B4GALNT3: variants seen among roughly 807,000 people sequenced by gnomAD.
B4GALNT3 encodes the protein beta-1,4-N-acetyl-galactosaminyltransferase 3.
Under a neutral mutation model 120.2 loss-of-function variants are expected in B4GALNT3, and 86 were observed. The observed-to-expected ratio is 0.72, with a 90% CI of 0.60 to 0.86. The LOEUF (loss-of-function observed/expected upper bound fraction) is 0.86. Among genes scored for constraint, B4GALNT3 ranks in the 40% least tolerant of loss-of-function variants. The pLI is 0.00. For synonymous variants in B4GALNT3, 518 were observed against 510.4 expected (o/e 1.01, Z -0.20); for missense variants, 1,167 against 1,298.9 (o/e 0.90, Z 1.56).
chr12:536,557 A>G (rs1363510728), intron 3 of B4GALNT3, among the ~76,000 whole-genome samples: 1 of 152,200 alleles, frequency 6.6e-6, no homozygotes. Flanking sequence ...TATGTCGGCC[A>G]GGCTAGTCTC....
chr12:556,474 G>A, intron 14 of B4GALNT3, 73 bp from the exon 15 acceptor site: 1 of 1,430,212 alleles, frequency 7.0e-7, no homozygotes, highest in Non-Finnish European at 9.7e-7. Context: ...TAGCTTTGCA[G>A]GCTTCTCACA....
intron 14 of B4GALNT3, chr12:555,213 C>T (rs1592058271): frequency 6.1e-6 from 2 of 330,374 alleles, no homozygotes; most frequent in East Asian, 9.3e-5. Flanking sequence ...AAAAAAGAAA[C>T]CGTATGTGTT....
intron 1 of B4GALNT3, among the ~76,000 whole-genome samples, chr12:475,901 T>C (rs1946180106): frequency 6.6e-6 from 1 of 152,208 alleles, no homozygotes; most frequent in Non-Finnish European, 1.5e-5. Context: ...AGGCAGGCAG[T>C]TCCCTTAGAA....
At chr12:517,001 T>C (rs1382528936) in intron 1 of B4GALNT3, among the ~76,000 whole-genome samples, 1 of 151,956 alleles carries the variant, frequency 6.6e-6, no homozygotes, top group African/African-American at 2.4e-5. Context: ...TTGACCTGGG[T>C]GGTTGGAAGG....
At chr12:513,778 G>A (rs528938034) in intron 1 of B4GALNT3, among the ~76,000 whole-genome samples, 3 of 152,258 alleles carry the variant, frequency 2.0e-5, no homozygotes, top group South Asian at 2.1e-4. Context: ...TTGTATAGAC[G>A]CGGTCTCCCT....
intron 1 of B4GALNT3, among the ~76,000 whole-genome samples, chr12:509,385 A>T (rs73032470): frequency 6.6e-6 from 1 of 152,188 alleles, no homozygotes; most frequent in Non-Finnish European, 1.5e-5. Context: ...GGAGATTTCC[A>T]GGGCAGGAGA....
chr12:460,600 C>T lies in B4GALNT3; in HGVS notation c.169+55C>T. The T allele has an allele frequency of 7.7e-7, 1 of 1,304,616 alleles. No individual in the cohort carries two copies. The highest frequency in any genetic ancestry group is 2.1e-5 in the South Asian group (1 of 47,394). The allele number at this position is 1,304,616 out of a possible 1,614,324, so 80.8% of individuals were successfully genotyped here. ...GCGGGGGTGGGCGGCGGCGGCGGCT[C>T]CTGCGTTGGGGGGACCCGCCTCTCA... is the stretch of plus-strand genomic sequence containing the variant. On this transcript the variant is annotated intron_variant, in intron 1 of 19. Coordinates refer to ENST00000266383, the MANE Select transcript of B4GALNT3 (RefSeq NM_173593.4). The surrounding 1 kb of genome is among the most constrained non-coding windows in gnomAD (Gnocchi z 8.0).
intron 1 of B4GALNT3, among the ~76,000 whole-genome samples, chr12:512,372 A>C (rs1469617282): frequency 1.2e-5 from 1 of 84,164 alleles, no homozygotes. Context: ...ACCTTCTTCC[A>C]CCTTCCACCT....
intron 9 of B4GALNT3, 46 bp from the exon 10 acceptor site, chr12:549,723 G>T: frequency 6.2e-7 from 1 of 1,611,900 alleles, no homozygotes; most frequent in Non-Finnish European, 8.5e-7. Context: ...GGGCTGCTGC[G>T]CTCCAGGCCA....
chr12:534,630 G>T (rs1423442031), intron 1 of B4GALNT3, among the ~76,000 whole-genome samples: 2 of 152,070 alleles, frequency 1.3e-5, no homozygotes, highest in Admixed American at 6.5e-5. Context: ...ATCTCCAGTG[G>T]TTTATACCTT....
chr12:552,277 G>A (rs969123206), intron 12 of B4GALNT3, 114 bp downstream of exon 12: 16 of 912,206 alleles, frequency 1.8e-5, no homozygotes, highest in Non-Finnish European at 1.9e-5. Flanking sequence ...CTTTGCTCTT[G>A]CTCTTCCTGA....
intron 1 of B4GALNT3, among the ~76,000 whole-genome samples, chr12:514,727 G>A (rs1296636051): frequency 6.6e-6 from 1 of 152,008 alleles, no homozygotes; most frequent in Non-Finnish European, 1.5e-5. Context: ...TCAGAATAGT[G>A]GTTAAGAACA....
At chr12:469,466 C>T (rs1004590374) in intron 1 of B4GALNT3, among the ~76,000 whole-genome samples, 3 of 152,150 alleles carry the variant, frequency 2.0e-5, no homozygotes, top group Non-Finnish European at 4.4e-5. Flanking sequence ...GCTTCTTAAA[C>T]TTCTCAGCCC....
intron 1 of B4GALNT3, among the ~76,000 whole-genome samples, chr12:469,994 G>A (rs941489619): frequency 3.3e-5 from 5 of 152,068 alleles, no homozygotes; most frequent in Admixed American, 2.6e-4. Context: ...TCCTAGCTTT[G>A]TAACTAATTT....
In B4GALNT3 at chr12:544,437, G is replaced by A. The variant is rs1946965608; in HGVS notation, c.447+3G>A. The A allele has an allele frequency of 1.9e-6, 3 of 1,613,458 alleles. No homozygotes were observed. The highest frequency in any genetic ancestry group is 1.7e-5 in the Admixed American group (1 of 60,004). On this transcript the variant is annotated splice_donor_region_variant and intron_variant, in intron 4 of 19. Transcript: ENST00000266383. ...TGCATTTCCCACTGTACCCCCATGT[G>A]AGTGCCTGAGGGCTGCCTTGCCCAC...
chr12:461,889 T>C (rs1486907164), intron 1 of B4GALNT3, among the ~76,000 whole-genome samples: 1 of 152,198 alleles, frequency 6.6e-6, no homozygotes, highest in African/African-American at 2.4e-5. Flanking sequence ...AAACGACAGC[T>C]TCTCAGGTGA....
chr12:512,344 T>C (rs1946591523), intron 1 of B4GALNT3, among the ~76,000 whole-genome samples: 1 of 141,300 alleles, frequency 7.1e-6, no homozygotes, highest in Non-Finnish European at 1.5e-5. Context: ...TCCTTCCACC[T>C]TCCACCTTCC....
At chr12:500,866 T>C (rs10635310) in intron 1 of B4GALNT3, among the ~76,000 whole-genome samples, 5 of 34,112 alleles carry the variant, frequency 1.5e-4, no homozygotes, top group African/African-American at 5.5e-4. Flanking sequence ...GCTCCACTGC[T>C]TTTTTTTTTT....
At chr12:485,621 G>T (rs1165035110) in intron 1 of B4GALNT3, among the ~76,000 whole-genome samples, 1 of 152,180 alleles carries the variant, frequency 6.6e-6, no homozygotes, top group South Asian at 2.1e-4. Context: ...CTACGAATGG[G>T]ATTGCCTAGG....
Sources: gnomAD v4.1 joint callset for allele counts (sites outside exome capture counted in the v4.1 genomes callset) on GRCh38, gnomAD v4.1.1 for gene constraint, Gnocchi (gnomAD v3.1) non-coding constraint, MANE v1.5 for transcripts, NCBI Gene and HGNC (gene_info 2026-07-23, HGNC 2026-07-21) for gene names.